TSPAN5: variants seen among roughly 807,000 people sequenced by gnomAD.
TSPAN5 encodes tetraspanin 5.
Under a neutral mutation model 37.1 loss-of-function variants are expected in TSPAN5, and 10 were observed. That is an observed-to-expected ratio of 0.27 (90% CI 0.17 to 0.46). The LOEUF is 0.46. TSPAN5 is among the 20% of genes least tolerant of loss of function. The pLI is 1.00. For synonymous variants in TSPAN5, 110 were observed against 118.9 expected, an observed-to-expected ratio of 0.93 and a Z score of 0.48; for missense variants, 195 against 326.6, an observed-to-expected ratio of 0.60 and a Z score of 3.11.
chr4:98,587,614 G>C (rs900086081), intron 1 of TSPAN5, among the ~76,000 whole-genome samples: 48 of 152,204 alleles, frequency 3.2e-4, no homozygotes, highest in African/African-American at 1.2e-3. Context: ...TGCTGGCCGG[G>C]CGCAGTGGCT....
intron 1 of TSPAN5, among the ~76,000 whole-genome samples, chr4:98,528,757 T>G (rs1428750460): frequency 2.0e-5 from 3 of 152,212 alleles, no homozygotes; most frequent in Non-Finnish European, 2.9e-5. Flanking sequence ...ACTTTTTTTA[T>G]TGTACATTTA....
chr4:98,497,501 G>A (rs1413664672), intron 2 of TSPAN5, among the ~76,000 whole-genome samples: 1 of 152,050 alleles, frequency 6.6e-6, no homozygotes, highest in African/African-American at 2.4e-5. Context: ...TGTTATTTAA[G>A]CCACCCAGTC....
At chr4:98,633,079 G>A (rs956341289) in intron 1 of TSPAN5, among the ~76,000 whole-genome samples, 1 of 152,164 alleles carries the variant, frequency 6.6e-6, no homozygotes, top group Non-Finnish European at 1.5e-5. Flanking sequence ...TGAGGGCAAA[G>A]GGAGAGCTGA....
intron 1 of TSPAN5, among the ~76,000 whole-genome samples, chr4:98,530,302 T>C (rs760120542): frequency 5.3e-5 from 8 of 152,342 alleles, no homozygotes; most frequent in South Asian, 2.1e-4. Context: ...TGGTGAACTT[T>C]TGTTGCTCAT....
chr4:98,540,278 G>A (rs954659674), intron 1 of TSPAN5, among the ~76,000 whole-genome samples: 1 of 151,912 alleles, frequency 6.6e-6, no homozygotes, highest in South Asian at 2.1e-4. Context: ...AATCAAAGAC[G>A]GCATATGTGT....
At chr4:98,552,571 G>A (rs569385927) in intron 1 of TSPAN5, among the ~76,000 whole-genome samples, 2 of 152,290 alleles carry the variant, frequency 1.3e-5, no homozygotes, top group South Asian at 2.1e-4. Context: ...ACCCAATCCT[G>A]GCAATCACAG....
At chr4:98,540,757 C>CT (rs1179439838) in intron 1 of TSPAN5, among the ~76,000 whole-genome samples, 2 of 152,158 alleles carry the variant, frequency 1.3e-5, no homozygotes, top group African/African-American at 4.8e-5. Flanking sequence ...GCCTTCTATC[C>CT]TGGGATTATT....
chr4:98,605,102 G>A (rs1240718762), intron 1 of TSPAN5, among the ~76,000 whole-genome samples: 1 of 152,122 alleles, frequency 6.6e-6, no homozygotes, highest in Non-Finnish European at 1.5e-5. Flanking sequence ...AAACAATAAT[G>A]GTAAGTTATT....
At chr4:98,567,846 T>C (rs920949332) in intron 1 of TSPAN5, among the ~76,000 whole-genome samples, 8 of 152,038 alleles carry the variant, frequency 5.3e-5, no homozygotes, top group African/African-American at 1.9e-4. Context: ...TTCAGTCCAA[T>C]ATAGCCGTGG....
At chr4:98,606,322 T>G (rs757949114) in intron 1 of TSPAN5, among the ~76,000 whole-genome samples, 1 of 152,226 alleles carries the variant, frequency 6.6e-6, no homozygotes, top group African/African-American at 2.4e-5. Flanking sequence ...CTTGGATCTG[T>G]ACTTTTCAAA....
At chr4:98,482,224 A>G in intron 3 of TSPAN5, 49 bp from the exon 4 acceptor site, 5 of 1,550,086 alleles carry the variant, frequency 3.2e-6, no homozygotes, top group Non-Finnish European at 3.5e-6. Flanking sequence ...GGCTATTTTG[A>G]TCATATATAG....
chr4:98,564,379 A>G (rs1337782346), intron 1 of TSPAN5, among the ~76,000 whole-genome samples: 1 of 152,248 alleles, frequency 6.6e-6, no homozygotes, highest in African/African-American at 2.4e-5. Context: ...TCCTACGAAT[A>G]TAAATAAAAA....
intron 1 of TSPAN5, among the ~76,000 whole-genome samples, chr4:98,626,886 G>GTTTTTTTTTTTT (rs34770397): frequency 4.8e-5 from 4 of 83,478 alleles, no homozygotes; most frequent in African/African-American, 9.9e-5. Context: ...ATGAGAGCAG[G>GTTTTTTTTTTTT]TTTTTTTTTT....
intron 1 of TSPAN5, among the ~76,000 whole-genome samples, chr4:98,591,717 TC>T (rs1466917618): frequency 2.2e-5 from 3 of 139,274 alleles, no homozygotes; most frequent in Non-Finnish European, 3.1e-5. Context: ...TGGTTTTTTT[TC>T]TTTTTAATGT....
intron 1 of TSPAN5, among the ~76,000 whole-genome samples, chr4:98,615,070 A>AC (rs1199046097): frequency 6.6e-6 from 1 of 151,820 alleles, no homozygotes; most frequent in Non-Finnish European, 1.5e-5. Context: ...AGAGTCACCA[A>AC]CCCCCCAGTG....
intron 2 of TSPAN5, among the ~76,000 whole-genome samples, chr4:98,487,819 C>T (rs914873653): frequency 1.3e-5 from 2 of 152,078 alleles, no homozygotes; most frequent in Non-Finnish European, 2.9e-5. Context: ...CACTTTTCCA[C>T]AAAAAATGAC....
At chr4:98,543,699 T>C (rs13117488) in intron 1 of TSPAN5, among the ~76,000 whole-genome samples, 8 of 151,780 alleles carry the variant, frequency 5.3e-5, no homozygotes, top group Admixed American at 1.3e-4. Context: ...GGATTACAGG[T>C]GTGAGCCACT....
chr4:98,549,030 T>C (rs1754539610), intron 1 of TSPAN5, among the ~76,000 whole-genome samples: 1 of 152,178 alleles, frequency 6.6e-6, no homozygotes, highest in Non-Finnish European at 1.5e-5. Context: ...TGAGGTGTTT[T>C]TAAATATAAT....
intron 1 of TSPAN5, among the ~76,000 whole-genome samples, chr4:98,585,313 C>A (rs181661888): frequency 1.8e-4 from 27 of 150,852 alleles, no homozygotes; most frequent in Admixed American, 5.9e-4. Flanking sequence ...TTATTCCACT[C>A]TCTCTCTTTT....
Sources: gnomAD v4.1 joint callset for allele counts (sites outside exome capture counted in the v4.1 genomes callset) on GRCh38, gnomAD v4.1.1 for gene constraint, MANE v1.5 for transcripts, NCBI Gene and HGNC (gene_info 2026-07-23, HGNC 2026-07-21) for gene names.